Variants in TRPM3 observed in about 807,000 individuals in gnomAD.
TRPM3 encodes the protein transient receptor potential cation channel subfamily M member 3.
In TRPM3, 77 loss-of-function variants were observed where a neutral mutation model predicts 181.2. The observed-to-expected ratio is 0.42, with a 90% confidence interval of 0.35 to 0.51. The LOEUF is 0.51. Ranked by LOEUF, TRPM3 falls within the 20% of genes least tolerant of loss-of-function variation. TRPM3 has a pLI of 0.01. For synonymous variants in TRPM3, 745 were observed against 796.4 expected, an observed-to-expected ratio of 0.94 and a Z score of 1.09; for missense variants, 1,759 against 2,196.7, an observed-to-expected ratio of 0.80 and a Z score of 3.98.
chr9:70,777,616 T>C (rs2081610952), intron 7 of TRPM3, among the ~76,000 whole-genome samples: 2 of 152,056 alleles, frequency 1.3e-5, no homozygotes, highest in African/African-American at 4.8e-5. Flanking sequence ...CGTGGTATTT[T>C]CTCCATGACA....
At chr9:71,194,455 C>T (rs1296508228) in intron 1 of TRPM3, among the ~76,000 whole-genome samples, 1 of 151,910 alleles carries the variant, frequency 6.6e-6, no homozygotes. Context: ...CATTCCACTT[C>T]TGGATCCAGT....
At chr9:71,310,888 G>A (rs756307837) in intron 1 of TRPM3, among the ~76,000 whole-genome samples, 2 of 151,846 alleles carry the variant, frequency 1.3e-5, no homozygotes, top group Non-Finnish European at 1.5e-5. Flanking sequence ...TTTTTACTAT[G>A]GAGAGAAAGA....
intron 1 of TRPM3, among the ~76,000 whole-genome samples, chr9:71,059,480 A>G (rs2061060343): frequency 1.3e-5 from 2 of 152,080 alleles, no homozygotes; most frequent in African/African-American, 4.8e-5. Context: ...TACTTTAAGG[A>G]TACAGCCTGT....
At chr9:71,169,959 C>A (rs1379387234) in intron 1 of TRPM3, among the ~76,000 whole-genome samples, 3 of 140,216 alleles carry the variant, frequency 2.1e-5, no homozygotes, top group African/African-American at 8.0e-5. Context: ...CGAGATCATG[C>A]CACTGCACTC....
chr9:71,352,487 TG>T (rs753367479), intron 1 of TRPM3, among the ~76,000 whole-genome samples: 4 of 151,954 alleles, frequency 2.6e-5, no homozygotes, highest in Non-Finnish European at 5.9e-5. Flanking sequence ...GAAAAAAAAA[TG>T]GGATATGCTA....
Position 70,796,959 on chromosome 9 carries a change from T to C in TRPM3, c.974-12680A>G, listed in dbSNP as rs570060730. ...GCCTGGAAAACATAGGGAGATCTTGTCTCTACAAAAAAATTTAAAAGTTAG... is the reference window on the plus strand; with the variant it reads ...GCCTGGAAAACATAGGGAGATCTTGCCTCTACAAAAAAATTTAAAAGTTAG... On this transcript the variant is annotated intron_variant, in intron 6 of 25. Coordinates refer to ENST00000677713, the MANE Select transcript of TRPM3 (RefSeq NM_001366145.2). Among the ~76,000 whole-genome samples, 7 of 151,916 alleles carry C rather than the reference T, an allele frequency of 4.6e-5. No individual in the cohort carries two copies. In the South Asian group the frequency reaches 1.2e-3, roughly 27 times the overall value.
rs796128844 is a variant in TRPM3, at chr9:71,414,027, C to G, written c.183+32626G>C. ...TCTTTGCTTTGTAATATTCACAAGG[C>G]TAAATGAAACCATAACCTTTTAACT... On this transcript the variant is annotated intron_variant, in intron 1 of 24. Transcript: ENST00000357533. 1.6e-4 allele frequency among the ~76,000 whole-genome samples: 24 copies of G among 152,086 alleles called. 1 individual carries two copies. The highest frequency in any genetic ancestry group is 5.8e-4 in the African/African-American group (24 of 41,516).
At chr9:71,199,675 T>C (rs2078645867) in intron 1 of TRPM3, among the ~76,000 whole-genome samples, 1 of 152,218 alleles carries the variant, frequency 6.6e-6, no homozygotes, top group Non-Finnish European at 1.5e-5. Context: ...GTGTTTGTAG[T>C]ATTCTCCGAT....
chr9:71,446,695 C>G, exon 1 of TRPM3: 1 of 1,550,568 alleles, frequency 6.4e-7, no homozygotes, highest in South Asian at 1.2e-5. Context: ...TGGTGGACCC[C>G]TGCTTGGAAC....
chr9:71,049,516 C>T (rs2059828985), intron 1 of TRPM3, among the ~76,000 whole-genome samples: 1 of 152,076 alleles, frequency 6.6e-6, no homozygotes, highest in Admixed American at 6.5e-5. Flanking sequence ...TATAATTGTA[C>T]TTAAACCAAA....
chr9:70,633,165 C>T (rs1589575605), intron 12 of TRPM3, among the ~76,000 whole-genome samples: 2 of 152,146 alleles, frequency 1.3e-5, no homozygotes, highest in Admixed American at 6.5e-5. Context: ...ACAATTCCTT[C>T]AGGGACAGAG....
intron 1 of TRPM3, among the ~76,000 whole-genome samples, chr9:71,061,404 T>C (rs2061322403): frequency 6.6e-6 from 1 of 152,164 alleles, no homozygotes; most frequent in Admixed American, 6.5e-5. Flanking sequence ...GAGACTGTTA[T>C]TCCTAGAAAG....
chr9:71,344,271 G>A (rs556349896), intron 1 of TRPM3, among the ~76,000 whole-genome samples: 13 of 152,030 alleles, frequency 8.6e-5, no homozygotes, highest in Admixed American at 2.0e-4. Context: ...CCAAAATGGC[G>A]AAACCCTGTC....
intron 1 of TRPM3, among the ~76,000 whole-genome samples, chr9:71,003,034 C>T (rs554048114): frequency 2.0e-5 from 3 of 152,220 alleles, no homozygotes; most frequent in Admixed American, 1.3e-4. Flanking sequence ...AAATATAAAA[C>T]TAATCTACTG....
intron 1 of TRPM3, among the ~76,000 whole-genome samples, chr9:70,993,507 G>A (rs2097509148): frequency 6.6e-6 from 1 of 152,142 alleles, no homozygotes; most frequent in Non-Finnish European, 1.5e-5. Flanking sequence ...AATTGGAAGA[G>A]GGGCAGGCTG....
chr9:71,319,454 G>C (rs2088983081), intron 1 of TRPM3, among the ~76,000 whole-genome samples: 1 of 152,102 alleles, frequency 6.6e-6, no homozygotes, highest in African/African-American at 2.4e-5. Context: ...GAAGATACAC[G>C]TTCCAGCTTG....
intron 22 of TRPM3, among the ~76,000 whole-genome samples, chr9:70,560,339 A>T (rs2048752621): frequency 6.6e-6 from 1 of 152,094 alleles, no homozygotes; most frequent in Non-Finnish European, 1.5e-5. Context: ...AATGGGCACT[A>T]CCCTCTGTCT....
chr9:71,194,598 C>T (rs1315167060), intron 1 of TRPM3, among the ~76,000 whole-genome samples: 3 of 151,850 alleles, frequency 2.0e-5, no homozygotes, highest in Non-Finnish European at 4.4e-5. Flanking sequence ...AGGAGAGCCG[C>T]CCAACCAGGA....
chr9:70,960,097 G>C (rs114733914), intron 1 of TRPM3, among the ~76,000 whole-genome samples: 2,024 of 151,750 alleles, frequency 0.013, 43 homozygotes, highest in African/African-American at 0.046. Flanking sequence ...TCCATTGCAA[G>C]TCTGCTAATT....
Sources: allele counts gnomAD v4.1 joint callset (sites outside exome capture counted in the v4.1 genomes callset), GRCh38; gene constraint gnomAD v4.1.1; transcripts MANE v1.5; gene names NCBI Gene and HGNC (gene_info 2026-07-23, HGNC 2026-07-21).